The following INPP5B variants were observed in gnomAD, a reference collection of about 807,000 sequenced individuals.
INPP5B encodes type II inositol 1,4,5-trisphosphate 5-phosphatase.
In INPP5B, 90 loss-of-function variants were observed where a neutral mutation model predicts 118.5. That is an observed-to-expected ratio of 0.76 (90% CI 0.64 to 0.90). INPP5B has a LOEUF of 0.90. INPP5B is among the 40% of genes least tolerant of loss of function. The pLI is 0.00. For missense variants in INPP5B, 984 were observed against 1,125.6 expected (o/e 0.87, Z 1.80); for synonymous variants, 385 against 418.9 (o/e 0.92, Z 0.99).
intron 14 of INPP5B, among the ~76,000 whole-genome samples, chr1:37,880,455 T>A (rs1349583237): frequency 8.1e-6 from 1 of 123,294 alleles, no homozygotes; most frequent in Non-Finnish European, 1.9e-5. Flanking sequence ...TTATTTATTT[T>A]GAGACGGAGT....
At chr1:37,932,363 CTTTTTTTTTTTT>C (rs58150703) in intron 6 of INPP5B, among the ~76,000 whole-genome samples, 1 of 87,808 alleles carries the variant, frequency 1.1e-5, no homozygotes, top group African/African-American at 4.3e-5. Flanking sequence ...CTTTTCTTTT[CTTTTTTTTTTTT>C]TTTTTTTTTT....
rs1570192283 is a variant in INPP5B at position 37,899,915 on chromosome 1, C to T, written c.533-8461G>A. Reference sequence around the variant, plus strand: ...ATTTTTAGTAGAGACGGGGTTTCACCGTGTTAGCCGGGATGATCTCGGTCT... The same window carrying T: ...ATTTTTAGTAGAGACGGGGTTTCACTGTGTTAGCCGGGATGATCTCGGTCT... On this transcript the variant is annotated intron_variant, in intron 7 of 23. Coordinates refer to ENST00000373024, the MANE Select transcript of INPP5B (RefSeq NM_005540.3). 3.3e-5 allele frequency among the ~76,000 whole-genome samples: 5 copies of T among 150,902 alleles called. No homozygotes were observed. In the South Asian group the frequency reaches 1.1e-3, roughly 32 times the overall value.
chr1:37,864,930 T>G (rs1041803625), intron 22 of INPP5B: 1 of 152,558 alleles, frequency 6.6e-6, no homozygotes, highest in African/African-American at 2.4e-5. Flanking sequence ...CTCATGCCTG[T>G]AATCCCAGCA....
intron 7 of INPP5B, among the ~76,000 whole-genome samples, chr1:37,913,021 A>G (rs182604885): frequency 6.6e-6 from 1 of 151,732 alleles, no homozygotes; most frequent in East Asian, 1.9e-4. Context: ...ACTTTGGAAC[A>G]CTGAGGTGGG....
chr1:37,921,076 A>C (rs1045100790), intron 7 of INPP5B, among the ~76,000 whole-genome samples: 3 of 152,208 alleles, frequency 2.0e-5, no homozygotes, highest in Non-Finnish European at 4.4e-5. Flanking sequence ...ACTGCACTCC[A>C]GACTGGGTGA....
rs1641694263 is a variant in INPP5B at position 37,861,565 on chromosome 1, A to G, written c.*750T>C. The G allele has an allele frequency of 6.6e-6, 1 of 152,148 alleles. No homozygotes were observed. Among genetic ancestry groups the G allele is most frequent in the Non-Finnish European group, 1.5e-5 (1 of 68,082 alleles). 9.4% of individuals were successfully genotyped at this position (152,148 alleles called of 1,614,324 possible). ...ACATGGTGAAACCGTGTCTATACTA[A>G]AAACACACAAAAAAATTAGCCAGGC... is the stretch of plus-strand genomic sequence containing the variant. On this transcript the variant is annotated 3_prime_UTR_variant, in exon 24 of 24. Transcript: ENST00000373024.
At chr1:37,897,019 C>T (rs1285621493) in intron 7 of INPP5B, among the ~76,000 whole-genome samples, 30 of 142,012 alleles carry the variant, frequency 2.1e-4, no homozygotes, top group Middle Eastern at 3.9e-3. Context: ...CCGCCCCGTC[C>T]GGGAGGTGAG....
intron 6 of INPP5B, among the ~76,000 whole-genome samples, chr1:37,940,056 A>G (rs1381942272): frequency 6.6e-6 from 1 of 152,130 alleles, no homozygotes; most frequent in Non-Finnish European, 1.5e-5. Context: ...ATTGCCACAA[A>G]GACAAGAGAT....
At position 37,885,641 on chromosome 1, in the gene INPP5B, T is replaced by C. The variant is rs924685367; in HGVS notation, c.1316A>G (p.His439Arg). Residue 439 changes from histidine (H) to arginine (R), a missense_variant, in exon 13 of 24, where the codon CAT (histidine) becomes CGT (arginine). His to Arg is a conservative substitution (Grantham distance 29, BLOSUM62 0). Around this residue, in one of 2 missense-constraint regions of INPP5B, gnomAD observed 634 missense variants for 791.0 expected, o/e 0.80. Coordinates refer to ENST00000373024, the MANE Select transcript of INPP5B (RefSeq NM_005540.3). ...PSLPPLTISN[H>R]DVILWLGDLN... The stretch of plus-strand genomic sequence containing the variant: ...TGGGGTGGAAGCCCAGACTCACTCA[T>C]GGTTGCTGATGGTGAGAGGGGGAAG... 8.7e-6 allele frequency: 14 copies of C among 1,613,360 alleles called. No individual in the cohort carries two copies. The highest frequency in any genetic ancestry group is 2.2e-5 in the East Asian group (1 of 44,864).
chr1:37,913,966 C>G (rs1260577704), intron 7 of INPP5B, among the ~76,000 whole-genome samples: 2 of 152,048 alleles, frequency 1.3e-5, no homozygotes, highest in East Asian at 1.9e-4. Flanking sequence ...TTCTACCCCC[C>G]CACTTAAGAA....
chr1:37,882,704 C>T, intron 14 of INPP5B, 103 bp downstream of exon 14: 1 of 803,442 alleles, frequency 1.2e-6, no homozygotes, highest in Non-Finnish European at 2.0e-6. Context: ...AGGGAAACCT[C>T]CCAAGCCAAG....
chr1:37,912,011 C>T (rs148973025), intron 7 of INPP5B, among the ~76,000 whole-genome samples: 56 of 152,314 alleles, frequency 3.7e-4, no homozygotes, highest in East Asian at 2.7e-3. Context: ...TTTATATGGA[C>T]GCACTTTCTT....
At chr1:37,880,931 T>C (rs1429517559) in intron 14 of INPP5B, among the ~76,000 whole-genome samples, 1 of 152,154 alleles carries the variant, frequency 6.6e-6, no homozygotes, top group Non-Finnish European at 1.5e-5. Context: ...CTATATTGCC[T>C]AGGCTGGTCT....
At chr1:37,919,793 A>AT (rs1644991023) in intron 7 of INPP5B, among the ~76,000 whole-genome samples, 1 of 152,116 alleles carries the variant, frequency 6.6e-6, no homozygotes, top group African/African-American at 2.4e-5. Flanking sequence ...ACAAAAAAAA[A>AT]TTAGCCAGGC....
intron 7 of INPP5B, among the ~76,000 whole-genome samples, chr1:37,916,541 C>T (rs960619091): frequency 2.6e-5 from 4 of 151,974 alleles, no homozygotes; most frequent in African/African-American, 9.7e-5. Flanking sequence ...CTCAGCCTCC[C>T]GAGTAGCTGG....
At chr1:37,921,735 C>T (rs1206650970) in intron 7 of INPP5B, among the ~76,000 whole-genome samples, 3 of 152,164 alleles carry the variant, frequency 2.0e-5, no homozygotes, top group Admixed American at 6.5e-5. Context: ...AAAGACCAGG[C>T]GTGGTGGCTC....
chr1:37,863,226 A>G (rs931298056), intron 23 of INPP5B, among the ~76,000 whole-genome samples: 36 of 151,624 alleles, frequency 2.4e-4, no homozygotes, highest in Middle Eastern at 3.4e-3. Context: ...AAAAAAAAAA[A>G]AAAAAAAGGC....
intron 6 of INPP5B, among the ~76,000 whole-genome samples, chr1:37,934,190 T>C (rs1306395115): frequency 3.3e-5 from 5 of 151,948 alleles, no homozygotes; most frequent in Non-Finnish European, 7.4e-5. Flanking sequence ...CCTCAACCTC[T>C]CAAAAGTGCT....
At chr1:37,931,780 C>A (rs752122661) in intron 7 of INPP5B, 133 bp downstream of exon 7, 2 of 1,605,456 alleles carry the variant, frequency 1.2e-6, no homozygotes, top group Non-Finnish European at 1.7e-6. Flanking sequence ...CCAGACGAAC[C>A]CGCCCCCGTG....
Sources: allele counts gnomAD v4.1 joint callset (sites outside exome capture counted in the v4.1 genomes callset), GRCh38; gene constraint gnomAD v4.1.1; regional missense constraint gnomAD v4.1.1; transcripts MANE v1.5; gene names NCBI Gene and HGNC (gene_info 2026-07-23, HGNC 2026-07-21).